Variants in SLC2A14 observed in about 807,000 individuals in gnomAD.
SLC2A14 encodes the protein solute carrier family 2, facilitated glucose transporter member 14.
Under a neutral mutation model 43.0 loss-of-function variants are expected in SLC2A14, and 13 were observed. That is an observed-to-expected ratio of 0.30 (90% CI 0.20 to 0.48). The LOEUF (loss-of-function observed/expected upper bound fraction) is 0.48, where lower values mean the gene tolerates loss of function less well. Among genes scored for constraint, SLC2A14 ranks in the 20% least tolerant of loss-of-function variants. The probability of loss-of-function intolerance (pLI) is 0.99; values close to 1 mark genes in which losing one functional copy is unlikely to be tolerated. For missense variants in SLC2A14, 428 were observed against 620.4 expected (o/e 0.69, Z 3.29); for synonymous variants, 190 against 233.8 (o/e 0.81, Z 1.71).
rs758759013 is a variant in SLC2A14, at chr12:7,888,910, C to T, written c.132+2086G>A. ...TACCTATGGTCACCTACTTACTTCT[C>T]AGGTCTCTGGACTCTAATTTCCAAT... is the stretch of plus-strand genomic sequence containing the variant. On this transcript the variant is annotated intron_variant, in intron 1 of 9. Transcript: ENST00000539924. Among the ~76,000 whole-genome samples, 20 of 152,122 alleles carry T rather than the reference C, an allele frequency of 1.3e-4. 1 individual carries two copies. The highest frequency in any genetic ancestry group is 6.8e-3 in the Middle Eastern group (2 of 294).
intron 5 of SLC2A14, among the ~76,000 whole-genome samples, chr12:7,829,452 C>A (rs999194432): frequency 4.6e-5 from 7 of 150,578 alleles, no homozygotes; most frequent in Non-Finnish European, 7.4e-5. Flanking sequence ...CCCAGCTACT[C>A]GGGAGGCTGA....
At chr12:7,856,941 T>C (rs1260953243) in intron 2 of SLC2A14, among the ~76,000 whole-genome samples, 2 of 151,934 alleles carry the variant, frequency 1.3e-5, no homozygotes, top group Admixed American at 6.6e-5. Context: ...TTCCAGAGTA[T>C]ATTTGTCTTA....
upstream of SLC2A14, among the ~76,000 whole-genome samples, chr12:7,874,993 TATATA>T (rs1945425292): frequency 6.8e-4 from 65 of 95,970 alleles, no homozygotes; most frequent in South Asian, 2.5e-3. Context: ...ATATATAAAT[TATATA>T]TAAATACATA....
At chr12:7,886,912 CTTTT>C (rs11442108) in intron 1 of SLC2A14, among the ~76,000 whole-genome samples, 4 of 131,842 alleles carry the variant, frequency 3.0e-5, no homozygotes, top group Admixed American at 7.8e-5. Context: ...TAATGATTTT[CTTTT>C]TTTTTTTTTT....
chr12:7,860,429 C>A (rs1014700408), intron 2 of SLC2A14: 1 of 152,122 alleles, frequency 6.6e-6, no homozygotes, highest in Non-Finnish European at 1.5e-5. Context: ...AGGATAGCCA[C>A]GCTGCCCTAG....
intron 1 of SLC2A14, among the ~76,000 whole-genome samples, chr12:7,886,638 T>C (rs1565592089): frequency 1.3e-5 from 2 of 152,094 alleles, no homozygotes; most frequent in Admixed American, 1.3e-4. Flanking sequence ...GTGTTCATCT[T>C]TCCATCATTG....
intron 8 of SLC2A14, 74 bp from the exon 9 acceptor site, chr12:7,819,657 C>T: frequency 7.0e-7 from 1 of 1,426,892 alleles, no homozygotes; most frequent in Non-Finnish European, 9.5e-7. Flanking sequence ...TTGAAATCTG[C>T]CTTACCAACA....
intron 1 of SLC2A14, among the ~76,000 whole-genome samples, chr12:7,879,697 A>T (rs1945532139): frequency 6.6e-6 from 1 of 151,418 alleles, no homozygotes; most frequent in African/African-American, 2.4e-5. Flanking sequence ...AAAATAAATA[A>T]AAAAAATATA....
chr12:7,867,411 A>C (rs1214103416), intron 2 of SLC2A14, among the ~76,000 whole-genome samples: 1 of 152,070 alleles, frequency 6.6e-6, no homozygotes, highest in Non-Finnish European at 1.5e-5. Context: ...TTCAAGACTT[A>C]AGTGGAGGAA....
chr12:7,866,181 C>T (rs1454843827), intron 2 of SLC2A14, among the ~76,000 whole-genome samples: 1 of 144,876 alleles, frequency 6.9e-6, no homozygotes, highest in East Asian at 2.0e-4. Flanking sequence ...GCTGAGATTG[C>T]ACCACTGCAC....
intron 2 of SLC2A14, among the ~76,000 whole-genome samples, chr12:7,842,146 G>T (rs1309606543): frequency 6.6e-6 from 1 of 151,980 alleles, no homozygotes; most frequent in African/African-American, 2.4e-5. Context: ...CATACATTAT[G>T]TAGCCTTTTC....
intron 2 of SLC2A14, among the ~76,000 whole-genome samples, chr12:7,851,690 A>G (rs913332644): frequency 2.0e-5 from 3 of 152,196 alleles, no homozygotes; most frequent in Admixed American, 2.0e-4. Flanking sequence ...GAAGCATGTG[A>G]AAACAGTGAC....
At chr12:7,871,085 C>A in intron 1 of SLC2A14, 1 of 1,367,884 alleles carries the variant, frequency 7.3e-7, no homozygotes, top group South Asian at 1.3e-5. Context: ...ATGAGCGAGG[C>A]CCCAGGGCCC....
In SLC2A14 at chr12:7,831,692, T is replaced by A; in HGVS notation, c.184A>T (p.Asn62Tyr). Residue 62 changes from asparagine to tyrosine, a missense_variant, in exon 4 of 11, where the codon AAT becomes TAT. Physicochemically the swap from Asn to Tyr is moderately radical, Grantham distance 143. Coordinates refer to ENST00000431042, the MANE Select transcript of SLC2A14 (RefSeq NM_001286234.2). ...NAPPSEVLLT[N>Y]LWSLSVAIFS... ...ATGGCCACAGACAAGGACCAGAGAT[T>A]CGTGAGCAGCACCTCAGAGGGAGGG... 25 of 1,614,208 alleles carry A rather than the reference T, an allele frequency of 1.5e-5. No homozygotes were observed. The highest frequency in any genetic ancestry group is 1.9e-5 in the Non-Finnish European group (23 of 1,180,028).
chr12:7,886,892 C>G (rs58329409), intron 1 of SLC2A14, among the ~76,000 whole-genome samples: 28,818 of 150,764 alleles, frequency 0.19, 3,083 homozygotes, highest in Middle Eastern at 0.32. Context: ...CCCATTCCTT[C>G]ATCAACAAAT....
At chr12:7,847,201 A>G (rs1006752930) in intron 2 of SLC2A14, among the ~76,000 whole-genome samples, 1 of 151,884 alleles carries the variant, frequency 6.6e-6, no homozygotes, top group Admixed American at 6.6e-5. Flanking sequence ...GCAGTGACCC[A>G]AGATTGTGCC....
chr12:7,882,104 T>C (rs1361906153), intron 1 of SLC2A14, among the ~76,000 whole-genome samples: 1 of 152,116 alleles, frequency 6.6e-6, no homozygotes, highest in Non-Finnish European at 1.5e-5. Context: ...TTGTTCTTTT[T>C]TTCTTTGCAA....
intron 2 of SLC2A14, among the ~76,000 whole-genome samples, chr12:7,865,346 GCTAACATGGTGGAACCCCATCTCTA>G (rs1370569522): frequency 6.6e-6 from 1 of 152,004 alleles, no homozygotes; most frequent in African/African-American, 2.4e-5. Context: ...GACCATCCTG[GCTAACATGGTGGAACCCCATCTCTA>G]CTAAAAACAC....
chr12:7,838,016 C>T (rs1865603244), intron 2 of SLC2A14, among the ~76,000 whole-genome samples: 1 of 152,102 alleles, frequency 6.6e-6, no homozygotes, highest in African/African-American at 2.4e-5. Flanking sequence ...CCTCGGCCTC[C>T]CAAAGTGCTG....
Sources: gnomAD v4.1 joint callset for allele counts (sites outside exome capture counted in the v4.1 genomes callset) on GRCh38, gnomAD v4.1.1 for gene constraint, MANE v1.5 for transcripts, NCBI Gene and HGNC (gene_info 2026-07-23, HGNC 2026-07-21) for gene names.